The following TLN2 variants were observed in gnomAD, a reference collection of about 807,000 sequenced individuals.
TLN2 encodes talin-2.
A neutral mutation model predicts 294.7 loss-of-function variants in TLN2; 118 were observed. The ratio of observed to expected loss-of-function variants is 0.40; its 90% CI spans 0.34 to 0.47. The LOEUF is 0.47. TLN2 is among the 20% of genes least tolerant of loss of function. TLN2 has a pLI of 0.84. For synonymous variants in TLN2, 1,431 were observed against 1,304.5 expected (o/e 1.10, Z -2.09); for missense variants, 3,083 against 3,282.2 (o/e 0.94, Z 1.48).
chr15:62,452,149 G>GC (rs1204917137), intron 1 of TLN2, among the ~76,000 whole-genome samples: 1 of 73,058 alleles, frequency 1.4e-5, no homozygotes, highest in African/African-American at 3.4e-5. Context: ...ACGCACCAAG[G>GC]GTGAAAGAAC....
chr15:62,798,337 C>G (rs758188357), intron 48 of TLN2, among the ~76,000 whole-genome samples: 1 of 152,168 alleles, frequency 6.6e-6, no homozygotes, highest in Non-Finnish European at 1.5e-5. Flanking sequence ...CTTGCCTGTT[C>G]CTTGGTCCCC....
rs943441652 is a variant in TLN2 at position 62,694,306 on chromosome 15, G to T, written c.1216-10G>T. ...TTTCATTTTTGCATCTTGTTTTATT[G>T]CATTTCCAGAAACAAAGTAAAGATC... On this transcript the variant is annotated splice_polypyrimidine_tract_variant and intron_variant, in intron 13 of 58. Transcript: ENST00000636159. The T allele has an allele frequency of 6.2e-7, 1 of 1,613,726 alleles. No homozygotes were observed. Among genetic ancestry groups the T allele is most frequent in the Non-Finnish European group, 8.5e-7 (1 of 1,179,744 alleles).
At chr15:62,493,281 C>T (rs74019789) in intron 1 of TLN2, among the ~76,000 whole-genome samples, 15,461 of 152,172 alleles carry the variant, frequency 0.1, 1,866 homozygotes, top group African/African-American at 0.3. Context: ...TCAAATCTTG[C>T]CTCTCCCACC....
chr15:62,638,507 C>T (rs957948503), intron 3 of TLN2: 19 of 455,802 alleles, frequency 4.2e-5, no homozygotes, highest in Middle Eastern at 3.2e-4. Context: ...TCTAATGAAC[C>T]GTGTGCATAC....
At chr15:62,621,349 C>G (rs758877116) in intron 3 of TLN2, among the ~76,000 whole-genome samples, 1 of 152,158 alleles carries the variant, frequency 6.6e-6, no homozygotes, top group Non-Finnish European at 1.5e-5. Context: ...GCACAATATG[C>G]TAGTTCACAC....
In TLN2 at chr15:62,473,610, G is replaced by A. The variant is rs147625752; in HGVS notation, c.-238+82925G>A. Among the ~76,000 whole-genome samples, 270 of 152,256 alleles carry A rather than the reference G, an allele frequency of 1.8e-3. 1 individual carries two copies. Among genetic ancestry groups the A allele is most frequent in the Non-Finnish European group, 3.0e-3 (206 of 68,008 alleles). On this transcript the variant is annotated intron_variant, in intron 1 of 58. Coordinates refer to ENST00000636159, the MANE Select transcript of TLN2 (RefSeq NM_015059.3). ...ACGGAGCACAAACCTGTGTTTGTAAGGGAAGGTTCCTACTGAAAACTATTA... is the reference window on the plus strand; with the variant it reads ...ACGGAGCACAAACCTGTGTTTGTAAAGGAAGGTTCCTACTGAAAACTATTA...
intron 9 of TLN2, 38 bp downstream of exon 9, chr15:62,657,936 C>T (rs1196223031): frequency 1.3e-6 from 2 of 1,582,804 alleles, no homozygotes; most frequent in Admixed American, 1.7e-5. Context: ...CTCTTTTCTC[C>T]TGTCTTCTTT....
At chr15:62,671,186 T>C (rs2055368550) in intron 9 of TLN2, among the ~76,000 whole-genome samples, 1 of 152,246 alleles carries the variant, frequency 6.6e-6, no homozygotes, top group African/African-American at 2.4e-5. Context: ...ATATTGTAAT[T>C]TCCTCATACA....
At position 62,792,790 on chromosome 15, in the gene TLN2, A is replaced by G. The variant is rs1321859423; in HGVS notation, c.5883+3A>G. The G allele has an allele frequency of 1.1e-5, 18 of 1,613,916 alleles. No homozygotes were observed. The highest frequency in any genetic ancestry group is 1.4e-5 in the Non-Finnish European group (17 of 1,179,984). On this transcript the variant is annotated splice_donor_region_variant and intron_variant, in intron 46 of 58. Coordinates refer to ENST00000636159, the MANE Select transcript of TLN2 (RefSeq NM_015059.3). ...GCGCCCGTGCCGTCACGGAAAAGGT[A>G]AGGAGCAGCCCTCAGTTTAGAGTCA... is the stretch of plus-strand genomic sequence containing the variant.
chr15:62,420,213 G>T (rs960197594), intron 1 of TLN2, among the ~76,000 whole-genome samples: 3 of 152,122 alleles, frequency 2.0e-5, no homozygotes, highest in Middle Eastern at 3.2e-3. Context: ...TAATGGAATT[G>T]TATTTAAAAT....
intron 19 of TLN2, among the ~76,000 whole-genome samples, chr15:62,704,314 G>C (rs1170656909): frequency 6.6e-6 from 1 of 152,044 alleles, no homozygotes; most frequent in Non-Finnish European, 1.5e-5. Flanking sequence ...GACTTCATCT[G>C]TTTTGACCAC....
chr15:62,728,234 A>T (rs984956149), intron 28 of TLN2, among the ~76,000 whole-genome samples: 2 of 152,164 alleles, frequency 1.3e-5, no homozygotes, highest in African/African-American at 4.8e-5. Context: ...GAATAATACA[A>T]TATGTGCCCC....
chr15:62,750,458 T>C lies in TLN2; in HGVS notation c.4176T>C (p.Phe1392=), dbSNP rs2061867267. 1 of 1,614,246 alleles carries C rather than the reference T, an allele frequency of 6.2e-7. No homozygotes were observed. Among genetic ancestry groups the C allele is most frequent in the Non-Finnish European group, 8.5e-7 (1 of 1,180,040 alleles). Residue 1392 remains phenylalanine (F), a synonymous_variant, in exon 34 of 59, where the codon TTT becomes TTC. Coordinates refer to ENST00000636159, the MANE Select transcript of TLN2 (RefSeq NM_015059.3). The part of the protein sequence containing the change: ...PNEPVSDLSY[F]DCIESVMENS... ...AACCTGTTAGTGACCTCTCTTACTT[T>C]GACTGCATTGAGAGTGTGATGGAAA...
At chr15:62,707,524 G>T (rs889863003) in intron 20 of TLN2, among the ~76,000 whole-genome samples, 8 of 152,178 alleles carry the variant, frequency 5.3e-5, no homozygotes, top group Non-Finnish European at 8.8e-5. Flanking sequence ...GGACTTCTCA[G>T]TGCATCTTTA....
At chr15:62,792,917 T>G in intron 46 of TLN2, 130 bp downstream of exon 46, 3 of 1,403,450 alleles carry the variant, frequency 2.1e-6, no homozygotes, top group Non-Finnish European at 2.9e-6. Context: ...CATCCCGATC[T>G]TCCCCACTGC....
chr15:62,551,529 C>T (rs1480573184), intron 1 of TLN2, among the ~76,000 whole-genome samples: 3 of 151,702 alleles, frequency 2.0e-5, no homozygotes, highest in Non-Finnish European at 4.4e-5. Context: ...CACACACACA[C>T]ACACACACAC....
At chr15:62,686,163 A>G (rs1288223150) in intron 11 of TLN2, among the ~76,000 whole-genome samples, 1 of 152,344 alleles carries the variant, frequency 6.6e-6, no homozygotes, top group Non-Finnish European at 1.5e-5. Context: ...AAACAGAAAT[A>G]TATTTCAGAG....
In TLN2 at chr15:62,674,509, A is replaced by AT. The variant is rs1409698444; in HGVS notation, c.852+620dup. On this transcript the variant is annotated intron_variant, in intron 10 of 58. Transcript: ENST00000636159. ...TATTTACCCTATTCTATGGAAAACG[A>AT]TATTTTTTTTTTTTTTGAGACAGAG... Among the ~76,000 whole-genome samples, 6 of 38,886 alleles carry AT rather than the reference A, an allele frequency of 1.5e-4. No individual in the cohort carries two copies. In the South Asian group the frequency reaches 5.2e-3, roughly 34 times the overall value. 25.5% of individuals were successfully genotyped at this position (38,886 alleles called of 152,430 possible).
intron 19 of TLN2, among the ~76,000 whole-genome samples, chr15:62,705,163 G>A (rs2058978532): frequency 6.6e-6 from 1 of 152,212 alleles, no homozygotes; most frequent in Admixed American, 6.5e-5. Context: ...GCAGGTTCAG[G>A]TTCAGGGTGA....
Sources: allele counts gnomAD v4.1 joint callset (sites outside exome capture counted in the v4.1 genomes callset), GRCh38; gene constraint gnomAD v4.1.1; transcripts MANE v1.5; gene names NCBI Gene and HGNC (gene_info 2026-07-23, HGNC 2026-07-21).